NALCN: variants seen among roughly 807,000 people sequenced by gnomAD.
NALCN encodes the protein sodium leak channel NALCN.
NALCN carries 111 observed loss-of-function variants against 225.3 expected under a neutral mutation model. The ratio of observed to expected loss-of-function variants is 0.49; its 90% CI spans 0.42 to 0.58. NALCN has a LOEUF of 0.58. Ranked by LOEUF, NALCN falls within the 20% of genes least tolerant of loss-of-function variation. NALCN has a pLI of 0.00. For missense variants in NALCN, 1,378 were observed against 2,202.4 expected (o/e 0.63, Z 7.49); for synonymous variants, 764 against 769.0 (o/e 0.99, Z 0.11).
At chr13:101,341,212 T>A (rs1170659201) in intron 7 of NALCN, among the ~76,000 whole-genome samples, 1 of 152,216 alleles carries the variant, frequency 6.6e-6, no homozygotes, top group Non-Finnish European at 1.5e-5. Context: ...TAGCTCATGA[T>A]AAGAAATTCT....
intron 7 of NALCN, among the ~76,000 whole-genome samples, chr13:101,309,082 T>C (rs1273601329): frequency 6.6e-6 from 1 of 152,212 alleles, no homozygotes; most frequent in Non-Finnish European, 1.5e-5. Flanking sequence ...AATGGTATGA[T>C]TCAACAACAT....
At chr13:101,412,621 G>A (rs1221055392) in intron 1 of NALCN, among the ~76,000 whole-genome samples, 2 of 152,154 alleles carry the variant, frequency 1.3e-5, no homozygotes, top group African/African-American at 2.4e-5. Flanking sequence ...CTCTTCCAGG[G>A]TCTCTCTTCC....
chr13:101,203,747 A>G (rs1389728549), intron 13 of NALCN, among the ~76,000 whole-genome samples: 1 of 152,170 alleles, frequency 6.6e-6, no homozygotes, highest in Non-Finnish European at 1.5e-5. Flanking sequence ...TAATCTATTA[A>G]CTGTTAATGA....
chr13:101,279,332 C>T (rs1278036976), intron 10 of NALCN, among the ~76,000 whole-genome samples: 1 of 152,052 alleles, frequency 6.6e-6, no homozygotes, highest in Non-Finnish European at 1.5e-5. Context: ...GGCAGAAATG[C>T]TTTTTCATGT....
intron 6 of NALCN, among the ~76,000 whole-genome samples, chr13:101,371,949 T>C (rs191638408): frequency 6.6e-6 from 1 of 152,170 alleles, no homozygotes; most frequent in Non-Finnish European, 1.5e-5. Context: ...ACGTAAGTAA[T>C]TGTGGGAACA....
At chr13:101,305,045 G>A (rs1209268027) in intron 7 of NALCN, among the ~76,000 whole-genome samples, 4 of 151,752 alleles carry the variant, frequency 2.6e-5, no homozygotes, top group African/African-American at 7.3e-5. Flanking sequence ...ATGAGCCACC[G>A]CACCCGGCCT....
intron 14 of NALCN, among the ~76,000 whole-genome samples, chr13:101,177,299 T>C (rs1373215303): frequency 2.0e-5 from 3 of 152,062 alleles, no homozygotes; most frequent in African/African-American, 7.2e-5. Context: ...AATAAACATC[T>C]ATTTCCTGGT....
At chr13:101,282,205 C>G (rs1467142185) in intron 10 of NALCN, among the ~76,000 whole-genome samples, 2 of 152,074 alleles carry the variant, frequency 1.3e-5, no homozygotes, top group Non-Finnish European at 2.9e-5. Flanking sequence ...CATCTGCAGC[C>G]CCGTGTTTAC....
intron 6 of NALCN, among the ~76,000 whole-genome samples, chr13:101,353,666 A>AT (rs1381620165): frequency 6.6e-6 from 1 of 152,138 alleles, no homozygotes; most frequent in Non-Finnish European, 1.5e-5. Context: ...AACCTGGCAC[A>AT]TTTTTTCTAG....
intron 31 of NALCN, 100 bp from the exon 32 acceptor site, chr13:101,083,298 T>G (rs905114100): frequency 2.0e-6 from 2 of 1,008,900 alleles, no homozygotes; most frequent in African/African-American, 3.3e-5. Context: ...CCCATTACAT[T>G]TTTCTCCCCA....
At chr13:101,300,912 CTTTG>C (rs1286544075) in intron 7 of NALCN, among the ~76,000 whole-genome samples, 4 of 152,068 alleles carry the variant, frequency 2.6e-5, no homozygotes, top group Non-Finnish European at 4.4e-5. Context: ...ATTTTGGTTT[CTTTG>C]TTTGTTTTTT....
intron 7 of NALCN, among the ~76,000 whole-genome samples, chr13:101,317,060 T>G (rs1489355508): frequency 1.3e-5 from 2 of 152,206 alleles, no homozygotes; most frequent in Non-Finnish European, 2.9e-5. Context: ...TTTTTTAGCT[T>G]CATCTCCTCA....
chr13:101,284,877 C>T (rs927674694), intron 9 of NALCN, among the ~76,000 whole-genome samples: 6 of 152,244 alleles, frequency 3.9e-5, no homozygotes, highest in South Asian at 2.1e-4. Flanking sequence ...CCCACTTTCA[C>T]GTATTTTCCC....
At chr13:101,122,902 G>A (rs1198543030) in intron 18 of NALCN, among the ~76,000 whole-genome samples, 3 of 152,158 alleles carry the variant, frequency 2.0e-5, no homozygotes, top group Non-Finnish European at 4.4e-5. Context: ...AATAAGGCAC[G>A]GCCCCATGGG....
At chr13:101,271,697 C>G (rs972407308) in intron 10 of NALCN, among the ~76,000 whole-genome samples, 1 of 150,818 alleles carries the variant, frequency 6.6e-6, no homozygotes, top group Non-Finnish European at 1.5e-5. Flanking sequence ...TGTGTGTGTG[C>G]ATGTGTGCAT....
intron 13 of NALCN, among the ~76,000 whole-genome samples, chr13:101,217,148 G>GC (rs2040766289): frequency 7.0e-6 from 1 of 143,074 alleles, no homozygotes; most frequent in African/African-American, 2.5e-5. Context: ...ATAATAAATG[G>GC]AGGAAAAACT....
intron 10 of NALCN, among the ~76,000 whole-genome samples, chr13:101,281,803 A>G (rs2043177066): frequency 6.6e-6 from 1 of 152,244 alleles, no homozygotes; most frequent in Admixed American, 6.5e-5. Context: ...ACTAAAAAAC[A>G]AAAACAAACA....
chr13:101,233,487 CCCA>C (rs1271765283), intron 12 of NALCN, among the ~76,000 whole-genome samples: 4 of 151,862 alleles, frequency 2.6e-5, no homozygotes, highest in African/African-American at 4.8e-5. Flanking sequence ...ACTACAGGCG[CCCA>C]CCACCACGCC....
chr13:101,360,386 C>A lies in NALCN; in HGVS notation c.645-14966G>T, dbSNP rs972011143. Among the ~76,000 whole-genome samples the A allele has an allele frequency of 6.3e-4, 96 of 152,088 alleles. 1 individual carries two copies. The highest frequency in any genetic ancestry group is 2.2e-3 in the African/African-American group (91 of 41,484). On this transcript the variant is annotated intron_variant, in intron 6 of 43. Transcript: ENST00000251127. Reference sequence around the variant, plus strand: ...TAGCTGGGATCACAGGTGCACAGTACCATTCCCAGCTATTTCTTGTATTTT... The same window carrying A: ...TAGCTGGGATCACAGGTGCACAGTAACATTCCCAGCTATTTCTTGTATTTT...
Sources: allele counts gnomAD v4.1 joint callset (sites outside exome capture counted in the v4.1 genomes callset), GRCh38; gene constraint gnomAD v4.1.1; transcripts MANE v1.5; gene names NCBI Gene and HGNC (gene_info 2026-07-23, HGNC 2026-07-21).